Variants in PTPRM observed in about 807,000 individuals in gnomAD.
The protein encoded by PTPRM is receptor-type tyrosine-protein phosphatase mu.
A neutral mutation model predicts 186.7 loss-of-function variants in PTPRM; 47 were observed. That is an observed-to-expected ratio of 0.25 (90% CI 0.20 to 0.32). The LOEUF is 0.32. Ranked by LOEUF, PTPRM falls within the 10% of genes least tolerant of loss-of-function variation. The pLI is 1.00. For missense variants in PTPRM, 1,494 were observed against 1,865.0 expected (o/e 0.80, Z 3.66); for synonymous variants, 668 against 674.9 (o/e 0.99, Z 0.16).
At chr18:8,280,981 C>T (rs1432166406) in intron 19 of PTPRM, among the ~76,000 whole-genome samples, 1 of 152,138 alleles carries the variant, frequency 6.6e-6, no homozygotes, top group East Asian at 1.9e-4. Context: ...TATTAATACC[C>T]ATGATAGACT....
At chr18:7,892,893 A>G (rs913101536) in intron 3 of PTPRM, among the ~76,000 whole-genome samples, 6 of 152,154 alleles carry the variant, frequency 3.9e-5, no homozygotes, top group South Asian at 2.1e-4. Context: ...GTCTACTCCC[A>G]TCATGAGGGC....
chr18:7,615,735 T>C (rs2037787196), intron 1 of PTPRM, among the ~76,000 whole-genome samples: 1 of 152,168 alleles, frequency 6.6e-6, no homozygotes, highest in African/African-American at 2.4e-5. Flanking sequence ...ATGATTCAAG[T>C]GCATTACATT....
At chr18:8,305,460 C>G (rs2095211658) in intron 20 of PTPRM, among the ~76,000 whole-genome samples, 1 of 152,182 alleles carries the variant, frequency 6.6e-6, no homozygotes, top group Non-Finnish European at 1.5e-5. Context: ...TTAATCCTCA[C>G]AAAACTCTAT....
intron 32 of PTPRM, among the ~76,000 whole-genome samples, chr18:8,397,708 A>C (rs2095851855): frequency 6.6e-6 from 1 of 152,200 alleles, no homozygotes; most frequent in Admixed American, 6.5e-5. Flanking sequence ...GAGTGCTGGC[A>C]CCTGAGCTCC....
chr18:7,777,133 G>A (rs191305060), intron 2 of PTPRM, among the ~76,000 whole-genome samples: 177 of 152,216 alleles, frequency 1.2e-3, no homozygotes, highest in African/African-American at 4.1e-3. Flanking sequence ...AGCTTTCTGA[G>A]GGCAAATTTT....
At chr18:8,137,431 TC>T (rs1442462797) in intron 13 of PTPRM, among the ~76,000 whole-genome samples, 45 of 152,180 alleles carry the variant, frequency 3.0e-4, no homozygotes, top group Non-Finnish European at 5.9e-4. Flanking sequence ...TGTGTCCTGC[TC>T]GTTCCAGCCA....
At chr18:8,079,315 A>C (rs2089999740) in intron 9 of PTPRM, among the ~76,000 whole-genome samples, 1 of 151,964 alleles carries the variant, frequency 6.6e-6, no homozygotes, top group South Asian at 2.1e-4. Flanking sequence ...TCTTCCTACA[A>C]CCTGGGTCTG....
At chr18:7,665,613 TA>T (rs1283078513) in intron 1 of PTPRM, among the ~76,000 whole-genome samples, 1 of 152,156 alleles carries the variant, frequency 6.6e-6, no homozygotes, top group African/African-American at 2.4e-5. Flanking sequence ...GGACCTTACC[TA>T]TACTTGAATC....
chr18:7,948,862 G>A (rs905400277), intron 5 of PTPRM, among the ~76,000 whole-genome samples: 8 of 152,166 alleles, frequency 5.3e-5, no homozygotes, highest in African/African-American at 1.9e-4. Flanking sequence ...GACCAAATGT[G>A]GATAGTTTGA....
chr18:8,174,726 T>C (rs1308824052), intron 14 of PTPRM, among the ~76,000 whole-genome samples: 1 of 152,192 alleles, frequency 6.6e-6, no homozygotes, highest in Non-Finnish European at 1.5e-5. Flanking sequence ...TGACTGCCTA[T>C]TACTGTTTGA....
chr18:8,083,805 G>C (rs747506733), intron 9 of PTPRM, among the ~76,000 whole-genome samples: 1 of 152,098 alleles, frequency 6.6e-6, no homozygotes, highest in Non-Finnish European at 1.5e-5. Flanking sequence ...GAAAGCTTAC[G>C]AGCAAAAGCA....
intron 13 of PTPRM, among the ~76,000 whole-genome samples, chr18:8,125,972 TATA>T (rs1568382702): frequency 2.3e-5 from 2 of 87,550 alleles, no homozygotes; most frequent in African/African-American, 8.4e-5. Context: ...TATGTGTGTG[TATA>T]CATATATATA....
intron 1 of PTPRM, among the ~76,000 whole-genome samples, chr18:7,684,151 G>T (rs2144595142): frequency 1.3e-5 from 2 of 151,924 alleles, no homozygotes; most frequent in Admixed American, 1.3e-4. Context: ...TTCAGTTATG[G>T]TAGCCTGGTG....
chr18:7,570,120 C>T (rs115232772), intron 1 of PTPRM, among the ~76,000 whole-genome samples: 27 of 151,578 alleles, frequency 1.8e-4, no homozygotes, highest in Non-Finnish European at 2.2e-4. Context: ...AGTGAGAATC[C>T]GTCTCAAAAA....
chr18:7,576,513 G>A (rs2036690648), intron 1 of PTPRM, among the ~76,000 whole-genome samples: 1 of 152,010 alleles, frequency 6.6e-6, no homozygotes, highest in South Asian at 2.1e-4. Flanking sequence ...CTGTCATCCA[G>A]GCTGGAGTGC....
At chr18:7,775,794 G>A (rs2042553694) in intron 2 of PTPRM, among the ~76,000 whole-genome samples, 1 of 152,170 alleles carries the variant, frequency 6.6e-6, no homozygotes, top group South Asian at 2.1e-4. Context: ...ATAAGCCCAA[G>A]TATTTCAGAA....
intron 7 of PTPRM, among the ~76,000 whole-genome samples, chr18:8,033,562 G>A (rs1245705820): frequency 6.6e-6 from 1 of 152,148 alleles, no homozygotes; most frequent in Non-Finnish European, 1.5e-5. Flanking sequence ...ACTGAATACT[G>A]AAGGCAACTG....
chr18:7,620,114 AT>A (rs1285963501), intron 1 of PTPRM, among the ~76,000 whole-genome samples: 1 of 152,194 alleles, frequency 6.6e-6, no homozygotes, highest in Non-Finnish European at 1.5e-5. Context: ...CAGGCGGTCC[AT>A]GGGTGTTTCC....
At chr18:7,807,726 C>G (rs1174063996) in intron 2 of PTPRM, among the ~76,000 whole-genome samples, 1 of 152,202 alleles carries the variant, frequency 6.6e-6, no homozygotes, top group Non-Finnish European at 1.5e-5. Context: ...TTGGCTAAGA[C>G]TAGGATCATG....
Sources: allele counts gnomAD v4.1 joint callset (sites outside exome capture counted in the v4.1 genomes callset), GRCh38; gene constraint gnomAD v4.1.1; transcripts MANE v1.5; gene names NCBI Gene and HGNC (gene_info 2026-07-23, HGNC 2026-07-21).